KCNMA1: variants seen among roughly 807,000 people sequenced by gnomAD.
The protein encoded by KCNMA1 is Calcium-activated potassium channel subunit alpha-1.
A neutral mutation model predicts 140.0 loss-of-function variants in KCNMA1; 29 were observed. The observed-to-expected ratio is 0.21, with a 90% CI of 0.15 to 0.28. The LOEUF (loss-of-function observed/expected upper bound fraction) is 0.28, where lower values mean the gene tolerates loss of function less well. Among genes scored for constraint, KCNMA1 ranks in the 10% least tolerant of loss-of-function variants. The probability of loss-of-function intolerance (pLI) is 1.00; values close to 1 mark genes in which losing one functional copy is unlikely to be tolerated. For synonymous variants in KCNMA1, 612 were observed against 611.9 expected (o/e 1.00, Z 0.00); for missense variants, 880 against 1,602.2 (o/e 0.55, Z 7.70).
chr10:77,298,042 T>C (rs993052874), intron 2 of KCNMA1, among the ~76,000 whole-genome samples: 1 of 152,104 alleles, frequency 6.6e-6, no homozygotes, highest in Non-Finnish European at 1.5e-5. Flanking sequence ...CTTGAAGTTG[T>C]CAAGAAACTG....
chr10:77,240,281 G>A (rs1296186179), intron 3 of KCNMA1, among the ~76,000 whole-genome samples: 1 of 152,160 alleles, frequency 6.6e-6, no homozygotes, highest in Non-Finnish European at 1.5e-5. Context: ...GTGATATGTA[G>A]CTCTGGGGCT....
intron 9 of KCNMA1, among the ~76,000 whole-genome samples, chr10:77,093,457 A>C (rs1445945690): frequency 6.6e-6 from 1 of 152,160 alleles, no homozygotes; most frequent in Non-Finnish European, 1.5e-5. Context: ...AGTGAAAGTT[A>C]TCAAGGAGCC....
At chr10:77,246,076 A>G (rs1032834893) in intron 3 of KCNMA1, among the ~76,000 whole-genome samples, 1 of 152,222 alleles carries the variant, frequency 6.6e-6, no homozygotes, top group Non-Finnish European at 1.5e-5. Context: ...AGAACAAAAG[A>G]GAAAACAAGA....
At position 77,637,487 on chromosome 10, in the gene KCNMA1, GGAAGAA is replaced by G. The variant is rs751901610; in HGVS notation, c.150_155del (p.Ser59_Ser60del). 7.5e-6 allele frequency: 12 copies of G among 1,600,914 alleles called. No homozygotes were observed. The highest frequency in any genetic ancestry group is 4.5e-5 in the South Asian group (4 of 89,488). On this transcript the variant is annotated inframe_deletion, in exon 1 of 28. Coordinates refer to ENST00000286628, the MANE Select transcript of KCNMA1 (RefSeq NM_001161352.2). ...CCGAGGACGAGGAGGAAGAGGAGGAGGAAGAAGAAGAAGAGGAAGAGGAGGAGGAGG... is the reference window on the plus strand; with the variant it reads ...CCGAGGACGAGGAGGAAGAGGAGGAGGAAGAAGAGGAAGAGGAGGAGGAGG...
At chr10:77,306,378 A>G (rs1210061691) in intron 2 of KCNMA1, among the ~76,000 whole-genome samples, 1 of 152,218 alleles carries the variant, frequency 6.6e-6, no homozygotes, top group Non-Finnish European at 1.5e-5. Context: ...GTGATGCCCA[A>G]GAAGGATGAG....
chr10:77,286,233 T>C (rs970163149), intron 2 of KCNMA1, among the ~76,000 whole-genome samples: 2 of 152,108 alleles, frequency 1.3e-5, no homozygotes, highest in Non-Finnish European at 2.9e-5. Context: ...ATTCTAAACA[T>C]ACAGCAAAAA....
intron 1 of KCNMA1, among the ~76,000 whole-genome samples, chr10:77,419,613 G>A (rs953436525): frequency 3.3e-5 from 5 of 152,004 alleles, no homozygotes; most frequent in African/African-American, 1.2e-4. Context: ...TGAACTCAGT[G>A]GTAGTGACAC....
intron 2 of KCNMA1, chr10:77,304,633 T>A (rs1406643547): frequency 2.0e-5 from 3 of 152,204 alleles, no homozygotes; most frequent in African/African-American, 7.2e-5. Flanking sequence ...TTGCCTTAAA[T>A]CTACCAAAAG....
intron 2 of KCNMA1, among the ~76,000 whole-genome samples, chr10:77,371,781 C>A (rs949393317): frequency 3.9e-5 from 6 of 152,194 alleles, no homozygotes; most frequent in African/African-American, 1.2e-4. Flanking sequence ...TATTCAATCT[C>A]TTCTCCTGGG....
chr10:76,924,368 GA>G lies in KCNMA1; in HGVS notation c.2903-9320del, dbSNP rs534934107. 3.3e-5 allele frequency among the ~76,000 whole-genome samples: 5 copies of G among 152,180 alleles called. No individual in the cohort carries two copies. In the South Asian group the frequency reaches 1.0e-3, roughly 32 times the overall value. The stretch of plus-strand genomic sequence containing the variant: ...GAGGGTAAAAGTATTTATATCTATG[GA>G]AATAAGACAAATATGTCAACTTTCT... On this transcript the variant is annotated intron_variant, in intron 23 of 27. Coordinates refer to ENST00000286628, the MANE Select transcript of KCNMA1 (RefSeq NM_001161352.2).
intron 1 of KCNMA1, among the ~76,000 whole-genome samples, chr10:77,565,264 G>A (rs575209195): frequency 2.8e-4 from 42 of 152,254 alleles, no homozygotes; most frequent in African/African-American, 9.6e-4. Flanking sequence ...TCCCATTCCC[G>A]TTTTAGAGGA....
chr10:77,014,629 A>G (rs1168663731), intron 17 of KCNMA1, among the ~76,000 whole-genome samples: 1 of 151,944 alleles, frequency 6.6e-6, no homozygotes, highest in South Asian at 2.1e-4. Context: ...TTCTGCTTCT[A>G]TGAGTTTAAC....
chr10:77,509,267 C>T (rs1234323736), intron 1 of KCNMA1, among the ~76,000 whole-genome samples: 1 of 152,072 alleles, frequency 6.6e-6, no homozygotes, highest in African/African-American at 2.4e-5. Context: ...TACAGGTGCA[C>T]ACCACCATGC....
At chr10:77,564,605 G>A (rs1217574083) in intron 1 of KCNMA1, among the ~76,000 whole-genome samples, 2 of 152,100 alleles carry the variant, frequency 1.3e-5, no homozygotes, top group Non-Finnish European at 2.9e-5. Flanking sequence ...AAATTTAAAT[G>A]TAAAAAAGGT....
chr10:77,505,929 G>A (rs113592877), intron 1 of KCNMA1, among the ~76,000 whole-genome samples: 4 of 152,158 alleles, frequency 2.6e-5, no homozygotes, highest in African/African-American at 9.7e-5. Context: ...AGCAATGGAA[G>A]CCTGAACTAG....
At chr10:76,918,437 T>C (rs533678672) in intron 23 of KCNMA1, among the ~76,000 whole-genome samples, 2 of 152,334 alleles carry the variant, frequency 1.3e-5, no homozygotes, top group Admixed American at 1.3e-4. Context: ...ATCATGGCCA[T>C]GGGAGGCAAG....
chr10:77,118,678 C>T (rs566631501), intron 6 of KCNMA1, among the ~76,000 whole-genome samples: 1 of 152,130 alleles, frequency 6.6e-6, no homozygotes. Flanking sequence ...CTAAAAGTAA[C>T]CTTCTCCTCG....
chr10:77,127,059 AACACACACACAAACACACACAC>A (rs1281495257), intron 5 of KCNMA1, among the ~76,000 whole-genome samples: 1 of 133,214 alleles, frequency 7.5e-6, no homozygotes, highest in East Asian at 2.1e-4. Flanking sequence ...AAAGCCCAGA[AACACACACACAAACACACACAC>A]ACACACACAC....
chr10:77,184,758 G>A, intron 4 of KCNMA1, 65 bp downstream of exon 4: 1 of 988,546 alleles, frequency 1.0e-6, no homozygotes, highest in Middle Eastern at 2.1e-4. Context: ...GGCTGAGGGG[G>A]ATGATCCCTG....
Sources: gnomAD v4.1 joint callset for allele counts (sites outside exome capture counted in the v4.1 genomes callset) on GRCh38, gnomAD v4.1.1 for gene constraint, MANE v1.5 for transcripts, NCBI Gene and HGNC (gene_info 2026-07-23, HGNC 2026-07-21) for gene names.